Variants in ZSWIM8 observed in about 807,000 individuals in gnomAD.
ZSWIM8 encodes zinc finger SWIM-type containing 8.
In ZSWIM8, 27 loss-of-function variants were observed where a neutral mutation model predicts 173.7. That is an observed-to-expected ratio of 0.16 (90% confidence interval 0.11 to 0.21). The LOEUF (loss-of-function observed/expected upper bound fraction) is 0.21, where lower values mean the gene tolerates loss of function less well. Ranked by LOEUF, ZSWIM8 falls within the 10% of genes least tolerant of loss-of-function variation. ZSWIM8 has a pLI of 1.00. For synonymous variants in ZSWIM8, 958 were observed against 962.0 expected (o/e 1.00, Z 0.08); for missense variants, 1,627 against 2,428.8 (o/e 0.67, Z 6.94).
chr10:73,799,155 A>G lies in ZSWIM8; in HGVS notation c.4330A>G (p.Thr1444Ala). ...GGSSTAREGA[T>A]SCSASGIRAG... The stretch of plus-strand genomic sequence containing the variant: ...CTCATCCACAGCCCGTGAAGGGGCT[A>G]CAAGCTGTAGTGCCAGTGGGATCAG... The change falls in exon 21 of 26, where the codon ACA becomes GCA. Residue 1444 changes from threonine to alanine, a missense_variant. By Grantham distance (58) the Thr-to-Ala change is moderately conservative. This residue lies in a region of ZSWIM8 where 275 missense variants were observed against 290.1 expected (regional missense o/e 0.95). Coordinates refer to ENST00000604729, the MANE Select transcript of ZSWIM8 (RefSeq NM_001367799.1). 6.2e-7 allele frequency: 1 copy of G among 1,612,698 alleles called. No individual in the cohort carries two copies. The highest frequency in any genetic ancestry group is 8.5e-7 in the Non-Finnish European group (1 of 1,179,304).
chr10:73,800,175 G>A lies in ZSWIM8; in HGVS notation c.4825+5G>A. Reference sequence around the variant, plus strand: ...CACTGCCCACCAGTGTGGCCTGTGAGTTGTGGGGCCAGGGAACAGGTGAAT... The same window carrying A: ...CACTGCCCACCAGTGTGGCCTGTGAATTGTGGGGCCAGGGAACAGGTGAAT... On this transcript the variant is annotated splice_donor_5th_base_variant and intron_variant, in intron 22 of 25. Coordinates refer to ENST00000604729, the MANE Select transcript of ZSWIM8 (RefSeq NM_001367799.1). This position sits in a 1 kb window ranked among gnomAD's most constrained non-coding sequence, Gnocchi z 4.1. The A allele has an allele frequency of 6.2e-7, 1 of 1,613,556 alleles. No homozygotes were observed. Among genetic ancestry groups the A allele is most frequent in the Non-Finnish European group, 8.5e-7 (1 of 1,179,798 alleles).
At chr10:73,794,782 T>C (rs2083552353) in intron 14 of ZSWIM8, 143 bp downstream of exon 14, 1 of 737,274 alleles carries the variant, frequency 1.4e-6, no homozygotes. Context: ...AGACAGGAAT[T>C]CAGGGCAAAA....
Position 73,789,447 on chromosome 10 carries a change from C to A in ZSWIM8, c.538C>A (p.Arg180Ser). Residue 180 changes from arginine to serine, a missense_variant, in exon 4 of 26, where the codon CGC becomes AGC. By Grantham distance (110) the Arg-to-Ser change is moderately radical. Transcript: ENST00000604729. This position sits in a 1 kb window ranked among gnomAD's most constrained non-coding sequence, Gnocchi z 6.8. ...CTACAACGTGGCTGTGATGTTTGACCGCTGCCGGGTCACTTCCTGCAGCTG... is the reference window on the plus strand; with the variant it reads ...CTACAACGTGGCTGTGATGTTTGACAGCTGCCGGGTCACTTCCTGCAGCTG... ...GAYNVAVMFD[R>S]CRVTSCSCTC... The A allele has an allele frequency of 6.2e-7, 1 of 1,606,082 alleles. No individual in the cohort carries two copies. The highest frequency in any genetic ancestry group is 8.5e-7 in the Non-Finnish European group (1 of 1,176,136).
At chr10:73,788,067 C>T (rs1288680140) in intron 1 of ZSWIM8, among the ~76,000 whole-genome samples, 1 of 152,028 alleles carries the variant, frequency 6.6e-6, no homozygotes, top group Non-Finnish European at 1.5e-5. Flanking sequence ...GCAGCAGTAG[C>T]TAGGTGCCCT....
In ZSWIM8 at chr10:73,794,177, G is replaced by A; in HGVS notation, c.2656G>A (p.Ala886Thr). 1 of 1,614,030 alleles carries A rather than the reference G, an allele frequency of 6.2e-7. No individual in the cohort carries two copies. The highest frequency in any genetic ancestry group is 2.2e-5 in the East Asian group (1 of 44,880). ...GCTGGCATACCAGGAGTCTGAGGTGGCTGCCCTGCTCAAGAAGATCCCTCT... is the reference window on the plus strand; with the variant it reads ...GCTGGCATACCAGGAGTCTGAGGTGACTGCCCTGCTCAAGAAGATCCCTCT... ...VKLAYQESEV[A>T]ALLKKIPLGP... The change falls in exon 13 of 26, where the codon GCT becomes ACT. Residue 886 changes from alanine to threonine, a missense_variant. Ala to Thr is a moderately conservative substitution (Grantham distance 58). Transcript: ENST00000604729.
In ZSWIM8 at chr10:73,785,759, G is replaced by A. The variant is rs886885999; in HGVS notation, c.-120G>A. 1.8e-6 allele frequency: 2 copies of A among 1,103,064 alleles called. No individual in the cohort carries two copies. The highest frequency in any genetic ancestry group is 1.4e-5 in the South Asian group (1 of 71,678). The allele number at this position is 1,103,064 out of a possible 1,614,324, so 68.3% of individuals were successfully genotyped here. A position where few individuals can be genotyped will look rare whatever the true frequency, so the allele number is the denominator to read the frequency against. Reference sequence around the variant, plus strand: ...CTCGCCCGGCACGGCCGCCCTGAGCGCCCCGGCCACCCCCAGCCCCGGCTC... The same window carrying A: ...CTCGCCCGGCACGGCCGCCCTGAGCACCCCGGCCACCCCCAGCCCCGGCTC... On this transcript the variant is annotated 5_prime_UTR_variant, in exon 1 of 26. Coordinates refer to ENST00000604729, the MANE Select transcript of ZSWIM8 (RefSeq NM_001367799.1).
rs2083939991 is a variant in ZSWIM8 at position 73,801,134 on chromosome 10, A to G, written c.5240A>G (p.Asn1747Ser). The change falls in exon 25 of 26, where the codon AAC becomes AGC. Residue 1747 changes from asparagine to serine, a missense_variant. Coordinates refer to ENST00000604729, the MANE Select transcript of ZSWIM8 (RefSeq NM_001367799.1). The surrounding 1 kb of genome is among the most constrained non-coding windows in gnomAD (Gnocchi z 4.9). ...LQRLSPAHAHNHLRAPAFHQL... is the reference protein window; with the variant it reads ...LQRLSPAHAHSHLRAPAFHQL... ...CGGCTGAGTCCCGCTCATGCCCACA[A>G]CCACCTGCGTGCCCCGGCCTTCCAC... 1 of 1,589,916 alleles carries G rather than the reference A, an allele frequency of 6.3e-7. No homozygotes were observed.
intron 1 of ZSWIM8, 29 bp from the exon 2 acceptor site, chr10:73,788,641 T>A: frequency 6.2e-7 from 1 of 1,611,906 alleles, no homozygotes; most frequent in South Asian, 1.1e-5. Context: ...CTATTCTCTT[T>A]CCCCTGATCC....
chr10:73,800,703 G>A lies in ZSWIM8; in HGVS notation c.5066G>A (p.Arg1689His), dbSNP rs1360327266. 11 of 1,613,258 alleles carry A rather than the reference G, an allele frequency of 6.8e-6. No individual in the cohort carries two copies. The highest frequency in any genetic ancestry group is 7.6e-6 in the Non-Finnish European group (9 of 1,179,734). The change falls in exon 24 of 26, where the codon CGC becomes CAC. Residue 1689 changes from arginine to histidine, a missense_variant. This residue lies in a region of ZSWIM8 where 30 missense variants were observed against 20.9 expected (regional missense o/e 1.44). Transcript: ENST00000604729. The surrounding 1 kb of genome is among the most constrained non-coding windows in gnomAD (Gnocchi z 4.1). ...AACGATCACCCCAACAACTTCTCCC[G>A]CTCCCCCCCCTACACTGATGATGTC... is the stretch of plus-strand genomic sequence containing the variant. Reference protein sequence around the residue: ...AHNDHPNNFSRSPPYTDDVKW... With the variant: ...AHNDHPNNFSHSPPYTDDVKW...
rs569340436 is a variant in ZSWIM8 at position 73,798,929 on chromosome 10, T to C, written c.4177-73T>C. The stretch of plus-strand genomic sequence containing the variant: ...GAATGAGACAGCTCTGAGGGAGACA[T>C]TGGAATCTCATCTAACACCTTCCAT... On this transcript the variant is annotated intron_variant, in intron 20 of 25. Coordinates refer to ENST00000604729, the MANE Select transcript of ZSWIM8 (RefSeq NM_001367799.1). 99 of 1,524,962 alleles carry C rather than the reference T, an allele frequency of 6.5e-5. No homozygotes were observed. The African/African-American group carries it at 8.7e-4, about 13-fold the overall frequency. 94.5% of individuals were successfully genotyped at this position (1,524,962 alleles called of 1,614,324 possible).
rs1319036023 is a variant in ZSWIM8, at chr10:73,794,604, A to G, written c.2873A>G (p.Glu958Gly). ...TGGAACAGCGAGACACCTGGGGATG[A>G]GGAGCTTGGATTTGAAGCAGCAGTT... is the stretch of plus-strand genomic sequence containing the variant. ...RNWNSETPGD[E>G]ELGFEAAVAA... The change falls in exon 14 of 26, where the codon GAG (glutamate) becomes GGG (glycine). Residue 958 changes from glutamate (E) to glycine (G), a missense_variant. Physicochemically the swap from Glu to Gly is moderately conservative, Grantham distance 98. Transcript: ENST00000604729. 11 of 1,556,340 alleles carry G rather than the reference A, an allele frequency of 7.1e-6. No homozygotes were observed. Among genetic ancestry groups the G allele is most frequent in the Non-Finnish European group, 9.6e-6 (11 of 1,149,462 alleles).
chr10:73,786,345 TGCGC>T (rs1274488060), intron 1 of ZSWIM8: 3 of 359,372 alleles, frequency 8.3e-6, no homozygotes, highest in Admixed American at 4.7e-5. Context: ...TGTGTGTGTG[TGCGC>T]GCGCGCGCGT....
chr10:73,799,993 T>G lies in ZSWIM8; in HGVS notation c.4666-18T>G. 6.2e-7 allele frequency: 1 copy of G among 1,609,826 alleles called. No homozygotes were observed. Among genetic ancestry groups the G allele is most frequent in the Non-Finnish European group, 8.5e-7 (1 of 1,177,962 alleles). ...TAATCAAGTTTGGCATCTTCCCCTT[T>G]CTTCTCCCTGCCCCTAGGGTGTGCA... On this transcript the variant is annotated intron_variant, in intron 21 of 25. Transcript: ENST00000604729.
At chr10:73,794,747 A>G (rs2132724411) in intron 14 of ZSWIM8, 108 bp downstream of exon 14, 1 of 1,002,038 alleles carries the variant, frequency 1.0e-6, no homozygotes, top group Non-Finnish European at 1.5e-6. Flanking sequence ...TCAGGATGAC[A>G]TGTGTGAGCC....
Position 73,797,553 on chromosome 10 carries a change from C to A in ZSWIM8, c.3610C>A (p.Arg1204Ser), listed in dbSNP as rs200608670. 1 of 1,613,906 alleles carries A rather than the reference C, an allele frequency of 6.2e-7. No individual in the cohort carries two copies. The highest frequency in any genetic ancestry group is 1.1e-5 in the South Asian group (1 of 91,036). Reference sequence around the variant, plus strand: ...GGGCTCCTCATCCTCCAGTGGAAGTCGCCGGGCCAGTGCCAGTGGAGGAGC... The same window carrying A: ...GGGCTCCTCATCCTCCAGTGGAAGTAGCCGGGCCAGTGCCAGTGGAGGAGC... ...SLGSSSSSGS[R>S]RASASGGARA... is the part of the protein sequence containing the mutation. Residue 1204 changes from arginine to serine, a missense_variant, in exon 18 of 26, where the codon CGC (arginine) becomes AGC (serine). By Grantham distance (110) the Arg-to-Ser change is moderately radical. Around this residue, in one of 18 missense-constraint regions of ZSWIM8, gnomAD observed 72 missense variants for 98.4 expected, o/e 0.73. Coordinates refer to ENST00000604729, the MANE Select transcript of ZSWIM8 (RefSeq NM_001367799.1). The surrounding 1 kb of genome is among the most constrained non-coding windows in gnomAD (Gnocchi z 5.6).
Position 73,801,139 on chromosome 10 carries a change from C to G in ZSWIM8, c.5245C>G (p.Leu1749Val). 1 of 1,591,026 alleles carries G rather than the reference C, an allele frequency of 6.3e-7. No homozygotes were observed. Among genetic ancestry groups the G allele is most frequent in the African/African-American group, 1.3e-5 (1 of 74,454 alleles). The stretch of plus-strand genomic sequence containing the variant: ...GAGTCCCGCTCATGCCCACAACCAC[C>G]TGCGTGCCCCGGCCTTCCACCAACT... ...RLSPAHAHNH[L>V]RAPAFHQLVQ... is the part of the protein sequence containing the mutation. Residue 1749 changes from leucine to valine, a missense_variant, in exon 25 of 26, where the codon CTG becomes GTG. Transcript: ENST00000604729. This position sits in a 1 kb window ranked among gnomAD's most constrained non-coding sequence, Gnocchi z 4.9.
At position 73,797,071 on chromosome 10, in the gene ZSWIM8, C is replaced by T. The variant is rs369274471; in HGVS notation, c.3275-42C>T. The T allele has an allele frequency of 1.2e-3, 1,884 of 1,612,684 alleles. 2 individuals are homozygous for T. Among genetic ancestry groups the T allele is most frequent in the Non-Finnish European group, 1.5e-3 (1,727 of 1,179,128 alleles). ...ATGGTGTGGACCTATGTTGAGGTCC[C>T]CTTTCCTGGGCTCATCCCAGCGTCC... On this transcript the variant is annotated intron_variant, in intron 16 of 25. Transcript: ENST00000604729. This position sits in a 1 kb window ranked among gnomAD's most constrained non-coding sequence, Gnocchi z 5.6.
Position 73,800,186 on chromosome 10 carries a change from A to G in ZSWIM8, c.4825+16A>G, listed in dbSNP as rs756951511. 5 of 1,613,430 alleles carry G rather than the reference A, an allele frequency of 3.1e-6. No homozygotes were observed. Among genetic ancestry groups the G allele is most frequent in the Non-Finnish European group, 4.2e-6 (5 of 1,179,750 alleles). ...AGTGTGGCCTGTGAGTTGTGGGGCCAGGGAACAGGTGAATGGAGGGGAGGC... is the reference window on the plus strand; with the variant it reads ...AGTGTGGCCTGTGAGTTGTGGGGCCGGGGAACAGGTGAATGGAGGGGAGGC... On this transcript the variant is annotated intron_variant, in intron 22 of 25. Transcript: ENST00000604729. This position sits in a 1 kb window ranked among gnomAD's most constrained non-coding sequence, Gnocchi z 4.1.
Position 73,797,240 on chromosome 10 carries a change from G to T in ZSWIM8, c.3402G>T (p.Gly1134=). ...GAGGCTATAATGGACGGGGATGGGGGTCCCCAGGACGGCCTAAGAAGAAGC... is the reference window on the plus strand; with the variant it reads ...GAGGCTATAATGGACGGGGATGGGGTTCCCCAGGACGGCCTAAGAAGAAGC... ...SRGGYNGRGW[G]SPGRPKKKHT... Residue 1134 remains glycine (G), a synonymous_variant, in exon 17 of 26, where the codon GGG becomes GGT. Transcript: ENST00000604729. This position sits in a 1 kb window ranked among gnomAD's most constrained non-coding sequence, Gnocchi z 5.6. 6.2e-7 allele frequency: 1 copy of T among 1,613,972 alleles called. No homozygotes were observed. Among genetic ancestry groups the T allele is most frequent in the Non-Finnish European group, 8.5e-7 (1 of 1,179,874 alleles).
Sources: allele counts gnomAD v4.1 joint callset (sites outside exome capture counted in the v4.1 genomes callset), GRCh38; gene constraint gnomAD v4.1.1; regional missense constraint gnomAD v4.1.1; non-coding constraint Gnocchi (gnomAD v3.1); transcripts MANE v1.5; gene names NCBI Gene and HGNC (gene_info 2026-07-23, HGNC 2026-07-21).